Variants in RNF19A observed in about 807,000 individuals in gnomAD.
RNF19A encodes E3 ubiquitin-protein ligase RNF19A.
RNF19A carries 32 observed loss-of-function variants against 75.7 expected under a neutral mutation model. The observed-to-expected ratio is 0.42, with a 90% confidence interval of 0.32 to 0.57. RNF19A has a LOEUF of 0.57. RNF19A is among the 20% of genes least tolerant of loss of function. The probability of loss-of-function intolerance (pLI) is 0.10; values close to 1 mark genes in which losing one functional copy is unlikely to be tolerated. For missense variants in RNF19A, 782 were observed against 1,036.3 expected, an observed-to-expected ratio of 0.75 and a Z score of 3.37; for synonymous variants, 335 against 345.2, an observed-to-expected ratio of 0.97 and a Z score of 0.33.
intron 1 of RNF19A, among the ~76,000 whole-genome samples, chr8:100,300,108 C>T (rs1236055062): frequency 6.6e-6 from 1 of 152,112 alleles, no homozygotes; most frequent in African/African-American, 2.4e-5. Context: ...CTCTTGGGAA[C>T]CAAGAGGCAC....
upstream of RNF19A, chr8:100,310,115 A>G (rs931044991): frequency 1.0e-6 from 1 of 983,648 alleles, no homozygotes; most frequent in East Asian, 1.1e-4. Flanking sequence ...CCCCTCCCGC[A>G]GCCCCCGCTT....
intron 7 of RNF19A, among the ~76,000 whole-genome samples, chr8:100,263,731 C>T (rs1038128004): frequency 6.6e-6 from 1 of 152,100 alleles, no homozygotes; most frequent in African/African-American, 2.4e-5. Flanking sequence ...CTTTTATTAA[C>T]TGTATTCCTC....
rs992216540 is a variant in RNF19A at position 100,287,209 on chromosome 8, C to A, written c.674+292G>T. 6.6e-6 allele frequency among the ~76,000 whole-genome samples: 1 copy of A among 152,144 alleles called. No individual in the cohort carries two copies. Among genetic ancestry groups the A allele is most frequent in the Non-Finnish European group, 1.5e-5 (1 of 68,008 alleles). On this transcript the variant is annotated intron_variant, in intron 2 of 9. Coordinates refer to ENST00000341084, the MANE Select transcript of RNF19A (RefSeq NM_183419.4). The surrounding 1 kb of genome is among the most constrained non-coding windows in gnomAD (Gnocchi z 4.1). ...TCTGTTATTCCAAAATAAAAATTCT[C>A]CAAATGGATGAGAAAACCAATTTTG...
intron 2 of RNF19A, among the ~76,000 whole-genome samples, chr8:100,286,776 T>C (rs889538897): frequency 2.0e-5 from 3 of 152,206 alleles, no homozygotes; most frequent in African/African-American, 7.2e-5. Context: ...ACGTATCACA[T>C]TAATTGTTTG....
rs370291571 is a variant in RNF19A at position 100,275,648 on chromosome 8, A to C, written c.675-487T>G. ...ATTAGTACAGTATTGTATGCACACA[A>C]AAAAAAGACTAGAAGGAAAAACACC... On this transcript the variant is annotated intron_variant, in intron 2 of 9. Transcript: ENST00000341084. This position sits in a 1 kb window ranked among gnomAD's most constrained non-coding sequence, Gnocchi z 4.3. Among the ~76,000 whole-genome samples, 244 of 152,206 alleles carry C rather than the reference A, an allele frequency of 1.6e-3. 2 individuals are homozygous for C. Among genetic ancestry groups the C allele is most frequent in the African/African-American group, 5.5e-3 (229 of 41,556 alleles).
chr8:100,299,913 G>A (rs1178779400), intron 1 of RNF19A, among the ~76,000 whole-genome samples: 1 of 152,114 alleles, frequency 6.6e-6, no homozygotes, highest in Admixed American at 6.5e-5. Context: ...TTCTCCTAAA[G>A]GACACCATGA....
intron 1 of RNF19A, among the ~76,000 whole-genome samples, chr8:100,299,883 T>G (rs749068230): frequency 6.6e-6 from 1 of 152,202 alleles, no homozygotes. Context: ...CTCTCCAATT[T>G]TGGAAGCTCA....
chr8:100,312,301 G>A (rs1053669939), upstream of RNF19A: 3 of 152,272 alleles, frequency 2.0e-5, no homozygotes, highest in Non-Finnish European at 4.4e-5. Context: ...GGCATCAGTA[G>A]TTTTTAAAAC....
At chr8:100,289,047 G>A (rs78342209) in intron 1 of RNF19A, among the ~76,000 whole-genome samples, 10,238 of 135,008 alleles carry the variant, frequency 0.076, 1,093 homozygotes, top group African/African-American at 0.25. Flanking sequence ...GCAACAGTGC[G>A]AGACTCCATC....
intron 1 of RNF19A, among the ~76,000 whole-genome samples, chr8:100,299,155 T>C (rs1279434485): frequency 6.6e-6 from 1 of 152,238 alleles, no homozygotes; most frequent in African/African-American, 2.4e-5. Flanking sequence ...TTTACCTATG[T>C]TTTTGAATTT....
At chr8:100,273,342 T>C (rs1482930728) in intron 3 of RNF19A, among the ~76,000 whole-genome samples, 1 of 152,212 alleles carries the variant, frequency 6.6e-6, no homozygotes, top group Non-Finnish European at 1.5e-5. Context: ...CATGATCATA[T>C]AGTCACATCT....
intron 3 of RNF19A, among the ~76,000 whole-genome samples, chr8:100,274,440 C>T (rs898191572): frequency 2.0e-5 from 3 of 152,036 alleles, no homozygotes; most frequent in African/African-American, 7.3e-5. Flanking sequence ...TATAAAAAAA[C>T]ATTTATGTTA....
Position 100,258,681 on chromosome 8 carries a change from C to T in RNF19A, c.2392G>A (p.Glu798Lys). ...GGTTTTATTCCATTGTTACCATGTT[C>T]TTCAGCAATATGATTCAACTGTGAA... ...EVSQLNHIAEEHGNNGIKPNV... is the reference protein window; with the variant it reads ...EVSQLNHIAEKHGNNGIKPNV... The change falls in exon 10 of 10, where the codon GAA (glutamate) becomes AAA (lysine). Residue 798 changes from glutamate (E) to lysine (K), a missense_variant. Glu to Lys is a moderately conservative substitution (Grantham distance 56). Coordinates refer to ENST00000341084, the MANE Select transcript of RNF19A (RefSeq NM_183419.4). This position sits in a 1 kb window ranked among gnomAD's most constrained non-coding sequence, Gnocchi z 4.3. 1 of 1,614,126 alleles carries T rather than the reference C, an allele frequency of 6.2e-7. No individual in the cohort carries two copies. Among genetic ancestry groups the T allele is most frequent in the Non-Finnish European group, 8.5e-7 (1 of 1,180,010 alleles).
In RNF19A at chr8:100,325,942, C is replaced by G. The variant is rs528816253; in HGVS notation, c.-243+10166G>C. On this transcript the variant is annotated intron_variant, in intron 1 of 3. Transcript: ENST00000519527. This position sits in a 1 kb window ranked among gnomAD's most constrained non-coding sequence, Gnocchi z 4.3. ...ATCAGACACAGTCCATGTCTGAACACTCACAGAATTCAGGGTATATATTTG... is the reference window on the plus strand; with the variant it reads ...ATCAGACACAGTCCATGTCTGAACAGTCACAGAATTCAGGGTATATATTTG... Among the ~76,000 whole-genome samples, 1 of 152,228 alleles carries G rather than the reference C, an allele frequency of 6.6e-6. No individual in the cohort carries two copies. Among genetic ancestry groups the G allele is most frequent in the Non-Finnish European group, 1.5e-5 (1 of 68,048 alleles).
At chr8:100,316,241 C>G (rs896006147) in intron 1 of RNF19A, among the ~76,000 whole-genome samples, 1 of 151,872 alleles carries the variant, frequency 6.6e-6, no homozygotes, top group African/African-American at 2.4e-5. Flanking sequence ...AGCAGACCTT[C>G]GCGGTGAGTG....
At chr8:100,285,189 G>A (rs1436985705) in intron 2 of RNF19A, among the ~76,000 whole-genome samples, 1 of 152,170 alleles carries the variant, frequency 6.6e-6, no homozygotes, top group Non-Finnish European at 1.5e-5. Context: ...GAATAAATGT[G>A]TGTTCAATTT....
Position 100,268,839 on chromosome 8 carries a change from A to C in RNF19A, c.1137T>G (p.Ala379=). Residue 379 remains alanine, a synonymous_variant, in exon 5 of 10, where the codon GCT becomes GCG. Transcript: ENST00000341084. ...TAATCATTGCAGGAATAGCAATGCC[A>C]GCTATTAAAGCGATTCCGACAGGAG... is the stretch of plus-strand genomic sequence containing the variant. ...VGAPVGIALI[A]GIAIPAMIIG... The C allele has an allele frequency of 6.2e-7, 1 of 1,600,474 alleles. No individual in the cohort carries two copies. Among genetic ancestry groups the C allele is most frequent in the Non-Finnish European group, 8.5e-7 (1 of 1,171,868 alleles).
chr8:100,273,064 G>A (rs544888231), intron 3 of RNF19A, among the ~76,000 whole-genome samples: 115 of 151,306 alleles, frequency 7.6e-4, no homozygotes, highest in African/African-American at 2.6e-3. Context: ...AAGGAGTCTC[G>A]CCACATTGCC....
chr8:100,299,513 G>A lies in RNF19A; in HGVS notation c.-94+10354C>T, dbSNP rs113349339. On this transcript the variant is annotated intron_variant, in intron 1 of 9. Transcript: ENST00000341084. ...GGTGGCTCACGCCTGTAATCCCGGCGCTTTGGGAGACCAAGGTGGGCAGAT... is the reference window on the plus strand; with the variant it reads ...GGTGGCTCACGCCTGTAATCCCGGCACTTTGGGAGACCAAGGTGGGCAGAT... Among the ~76,000 whole-genome samples, 794 of 152,262 alleles carry A rather than the reference G, an allele frequency of 5.2e-3. 10 individuals are homozygous for A. The highest frequency in any genetic ancestry group is 0.019 in the African/African-American group (770 of 41,562).
Sources: gnomAD v4.1 joint callset for allele counts (sites outside exome capture counted in the v4.1 genomes callset) on GRCh38, gnomAD v4.1.1 for gene constraint, Gnocchi (gnomAD v3.1) non-coding constraint, MANE v1.5 for transcripts, NCBI Gene and HGNC (gene_info 2026-07-23, HGNC 2026-07-21) for gene names.